The following NFIA variants were observed in gnomAD, a reference collection of about 807,000 sequenced individuals.
The protein encoded by NFIA is nuclear factor 1 A-type.
A neutral mutation model predicts 62.8 loss-of-function variants in NFIA; 8 were observed. The observed-to-expected ratio is 0.13, with a 90% CI of 0.07 to 0.23. NFIA has a LOEUF of 0.23. NFIA is among the 10% of genes least tolerant of loss of function. The pLI is 1.00. For synonymous variants in NFIA, 235 were observed against 238.1 expected (o/e 0.99, Z 0.12); for missense variants, 410 against 642.1 (o/e 0.64, Z 3.91).
chr1:61,343,305 G>A (rs573656972), intron 4 of NFIA, among the ~76,000 whole-genome samples: 31 of 152,340 alleles, frequency 2.0e-4, no homozygotes, highest in Non-Finnish European at 4.1e-4. Context: ...CTGATTCGGA[G>A]TGGGGTGGGA....
chr1:61,202,278 T>C (rs1652554781), intron 2 of NFIA, among the ~76,000 whole-genome samples: 1 of 152,024 alleles, frequency 6.6e-6, no homozygotes, highest in African/African-American at 2.4e-5. Flanking sequence ...TGTGGTCAAT[T>C]TTGGGGAAGG....
intron 3 of NFIA, among the ~76,000 whole-genome samples, chr1:61,319,355 C>T (rs1660539551): frequency 1.3e-5 from 2 of 152,026 alleles, no homozygotes; most frequent in Admixed American, 1.3e-4. Flanking sequence ...TCCATTACAT[C>T]TCAAGAATGA....
At position 61,200,042 on chromosome 1, in the gene NFIA, A is replaced by G. The variant is rs1352136522; in HGVS notation, c.560-77478A>G. On this transcript the variant is annotated intron_variant, in intron 2 of 10. Coordinates refer to ENST00000403491, the MANE Select transcript of NFIA (RefSeq NM_001134673.4). The stretch of plus-strand genomic sequence containing the variant: ...TATATATATATATATATATATATAT[A>G]TATATATATATATATATATATATAT... Among the ~76,000 whole-genome samples, 45 of 49,246 alleles carry G rather than the reference A, an allele frequency of 9.1e-4. 1 individual carries two copies. Among genetic ancestry groups the G allele is most frequent in the African/African-American group, 4.8e-3 (37 of 7,752 alleles). The allele number at this position is 49,246 out of a possible 152,430, so 32.3% of individuals were successfully genotyped here. A position where few individuals can be genotyped will look rare whatever the true frequency, so the allele number is the denominator to read the frequency against.
chr1:61,422,807 C>A (rs992404463), intron 9 of NFIA, among the ~76,000 whole-genome samples: 2 of 151,890 alleles, frequency 1.3e-5, no homozygotes, highest in Admixed American at 1.3e-4. Flanking sequence ...CTCTCCACCC[C>A]ACTCCCTCAT....
chr1:61,358,577 G>C lies in NFIA; in HGVS notation c.819-570G>C, dbSNP rs548445461. On this transcript the variant is annotated intron_variant, in intron 5 of 10. Transcript: ENST00000403491. ...ATTTTTGCACTTTTAGTAGAGATAGGATTTTACCATGTTGGCCAGGATGGT... is the reference window on the plus strand; with the variant it reads ...ATTTTTGCACTTTTAGTAGAGATAGCATTTTACCATGTTGGCCAGGATGGT... Among the ~76,000 whole-genome samples the C allele has an allele frequency of 6.6e-5, 10 of 151,840 alleles. 1 individual carries two copies. The South Asian group carries it at 1.7e-3, about 25-fold the overall frequency.
chr1:61,177,615 T>C (rs946455381), intron 2 of NFIA, among the ~76,000 whole-genome samples: 7 of 152,106 alleles, frequency 4.6e-5, no homozygotes, highest in African/African-American at 1.7e-4. Context: ...GGTTATGTTA[T>C]ATTTAGCACA....
intron 7 of NFIA, among the ~76,000 whole-genome samples, chr1:61,385,368 A>G (rs1664627148): frequency 6.6e-6 from 1 of 152,246 alleles, no homozygotes; most frequent in African/African-American, 2.4e-5. Context: ...TGAGAAGAAC[A>G]GTATGCCAGC....
At chr1:61,382,979 T>G (rs1301811447) in intron 6 of NFIA, among the ~76,000 whole-genome samples, 2 of 152,182 alleles carry the variant, frequency 1.3e-5, no homozygotes, top group African/African-American at 2.4e-5. Context: ...CCTGTATTAT[T>G]ATTGAAGACC....
At chr1:61,081,256 TAA>T (rs377051682), upstream of NFIA, among the ~76,000 whole-genome samples, 1 of 142,568 alleles carries the variant, frequency 7.0e-6, no homozygotes. Flanking sequence ...AATATGAGGT[TAA>T]AAAAAAAAAA....
At chr1:61,327,555 CT>C (rs767077891) in intron 3 of NFIA, among the ~76,000 whole-genome samples, 4 of 152,066 alleles carry the variant, frequency 2.6e-5, no homozygotes, top group Non-Finnish European at 5.9e-5. Context: ...GAATAATGGC[CT>C]CTGGCTCCAT....
chr1:61,104,090 A>G (rs928143874), intron 2 of NFIA, among the ~76,000 whole-genome samples: 1 of 152,156 alleles, frequency 6.6e-6, no homozygotes, highest in African/African-American at 2.4e-5. Flanking sequence ...AGTGCCTACT[A>G]TGTGCTGGGT....
intron 10 of NFIA, among the ~76,000 whole-genome samples, chr1:61,439,880 T>C (rs1667500083): frequency 6.6e-6 from 1 of 152,166 alleles, no homozygotes; most frequent in African/African-American, 2.4e-5. Flanking sequence ...GCTAATTTTT[T>C]TGTGAGGAAT....
intron 4 of NFIA, among the ~76,000 whole-genome samples, chr1:61,341,420 A>T (rs1273598274): frequency 6.6e-6 from 1 of 152,094 alleles, no homozygotes; most frequent in African/African-American, 2.4e-5. Context: ...CACTCATATT[A>T]TGAGCAAAAA....
intron 1 of NFIA, among the ~76,000 whole-genome samples, chr1:61,086,911 G>A (rs1646228668): frequency 6.6e-6 from 1 of 152,060 alleles, no homozygotes; most frequent in Admixed American, 6.6e-5. Flanking sequence ...TAGCAAAAAA[G>A]CCATCGAATC....
At chr1:61,276,125 A>C (rs1307606504) in intron 2 of NFIA, among the ~76,000 whole-genome samples, 1 of 152,204 alleles carries the variant, frequency 6.6e-6, no homozygotes, top group Admixed American at 6.5e-5. Context: ...CTGTTATTTA[A>C]ACCTTTGAAT....
At chr1:61,159,437 T>C (rs1649028729) in intron 2 of NFIA, among the ~76,000 whole-genome samples, 1 of 152,148 alleles carries the variant, frequency 6.6e-6, no homozygotes, top group Non-Finnish European at 1.5e-5. Context: ...TGAATCAGTA[T>C]GGTTGCAGTG....
At chr1:61,207,712 A>G (rs1199480791) in intron 2 of NFIA, among the ~76,000 whole-genome samples, 1 of 152,224 alleles carries the variant, frequency 6.6e-6, no homozygotes, top group African/African-American at 2.4e-5. Flanking sequence ...AAAGCGATTC[A>G]TGAGTGAAAA....
At chr1:61,383,660 T>TTGTG (rs113532018) in intron 7 of NFIA, among the ~76,000 whole-genome samples, 22 of 151,528 alleles carry the variant, frequency 1.5e-4, no homozygotes, top group Non-Finnish European at 2.2e-4. Context: ...GTTCTACAAG[T>TTGTG]TGTGTGTGTG....
chr1:61,117,496 A>G (rs1005829810), intron 2 of NFIA, among the ~76,000 whole-genome samples: 2 of 91,692 alleles, frequency 2.2e-5, no homozygotes, highest in Admixed American at 2.5e-4. Context: ...GTCTGCAATA[A>G]TGTTAAGAAC....
Sources: gnomAD v4.1 joint callset for allele counts (sites outside exome capture counted in the v4.1 genomes callset) on GRCh38, gnomAD v4.1.1 for gene constraint, MANE v1.5 for transcripts, NCBI Gene and HGNC (gene_info 2026-07-23, HGNC 2026-07-21) for gene names.